The following CADPS2 variants were observed in gnomAD, a reference collection of about 807,000 sequenced individuals.
CADPS2 encodes the protein calcium-dependent secretion activator 2.
A neutral mutation model predicts 172.5 loss-of-function variants in CADPS2; 93 were observed. That is an observed-to-expected ratio of 0.54 (90% CI 0.46 to 0.64). The LOEUF is 0.64. Among genes scored for constraint, CADPS2 ranks in the 30% least tolerant of loss-of-function variants. CADPS2 has a pLI of 0.00. For missense variants in CADPS2, 1,420 were observed against 1,565.9 expected (o/e 0.91, Z 1.57); for synonymous variants, 546 against 555.2 (o/e 0.98, Z 0.23).
chr7:122,420,484 C>T (rs775152807), intron 17 of CADPS2, among the ~76,000 whole-genome samples: 2 of 152,212 alleles, frequency 1.3e-5, no homozygotes, highest in African/African-American at 4.8e-5. Context: ...CTCTGTGTAT[C>T]CCGTCTCTGG....
In CADPS2 at chr7:122,796,736, T is replaced by C. The variant is rs1020309736; in HGVS notation, c.340-59668A>G. ...ACTCAAGATGGAAAAAAGACTTACA[T>C]GTAAAATCCAAAACTGAAAAAAAAA... On this transcript the variant is annotated intron_variant, in intron 1 of 29. Coordinates refer to ENST00000449022, the MANE Select transcript of CADPS2 (RefSeq NM_017954.11). 7.3e-5 allele frequency among the ~76,000 whole-genome samples: 11 copies of C among 151,580 alleles called. No individual in the cohort carries two copies. The East Asian group carries it at 2.1e-3, about 29-fold the overall frequency.
Position 122,809,761 on chromosome 7 carries a change from C to T in CADPS2, c.340-72693G>A, listed in dbSNP as rs1291134431. Reference sequence around the variant, plus strand: ...CCTGTCTTGTTATTCTCGGGATATACAGAACCTGGAATGTATAAGTTCATG... The same window carrying T: ...CCTGTCTTGTTATTCTCGGGATATATAGAACCTGGAATGTATAAGTTCATG... On this transcript the variant is annotated intron_variant, in intron 1 of 29. Coordinates refer to ENST00000449022, the MANE Select transcript of CADPS2 (RefSeq NM_017954.11). Among the ~76,000 whole-genome samples, 3 of 152,150 alleles carry T rather than the reference C, an allele frequency of 2.0e-5. No homozygotes were observed. The East Asian group carries it at 5.8e-4, about 29-fold the overall frequency.
chr7:122,480,524 T>G lies in CADPS2; in HGVS notation c.1861+328A>C, dbSNP rs73218205. Among the ~76,000 whole-genome samples the G allele has an allele frequency of 6.9e-3, 1,051 of 152,260 alleles. 5 individuals are homozygous for G. The highest frequency in any genetic ancestry group is 0.011 in the Non-Finnish European group (722 of 67,996). On this transcript the variant is annotated intron_variant, in intron 12 of 29. Coordinates refer to ENST00000449022, the MANE Select transcript of CADPS2 (RefSeq NM_017954.11). The stretch of plus-strand genomic sequence containing the variant: ...TATATTTTGCTTCATCAATTGGGTG[T>G]TTTTTTATGTAGTGAAAATAATACC...
intron 8 of CADPS2, among the ~76,000 whole-genome samples, chr7:122,524,101 A>G (rs979208270): frequency 6.6e-6 from 1 of 152,190 alleles, no homozygotes; most frequent in East Asian, 1.9e-4. Context: ...ATACTCTATT[A>G]AGCTTTCCTT....
At chr7:122,475,559 T>C (rs2056534769) in intron 12 of CADPS2, among the ~76,000 whole-genome samples, 1 of 152,200 alleles carries the variant, frequency 6.6e-6, no homozygotes, top group African/African-American at 2.4e-5. Flanking sequence ...AACCCAATTA[T>C]AGAGTCAGAC....
rs756395852 is a variant in CADPS2 at position 122,698,753 on chromosome 7, A to G, written c.454-35184T>C. 55 of 1,613,772 alleles carry G rather than the reference A, an allele frequency of 3.4e-5. No individual in the cohort carries two copies. The Admixed American group carries it at 9.0e-4, about 26-fold the overall frequency. On this transcript the variant is annotated intron_variant, in intron 2 of 29. Coordinates refer to ENST00000449022, the MANE Select transcript of CADPS2 (RefSeq NM_017954.11). ...CTTCCAAAGACTCCAGTCTCTCCCA[A>G]CTCTGACAACACATGATTCCCAACA...
chr7:122,841,134 T>G (rs1810364808), intron 1 of CADPS2, among the ~76,000 whole-genome samples: 1 of 152,214 alleles, frequency 6.6e-6, no homozygotes, highest in African/African-American at 2.4e-5. Context: ...CCTTTTTAGT[T>G]AATGCCTATA....
intron 25 of CADPS2, chr7:122,369,747 G>A (rs2151248969): frequency 6.6e-6 from 1 of 152,250 alleles, no homozygotes; most frequent in South Asian, 2.1e-4. Flanking sequence ...TAACATTCAG[G>A]CCATAAACCT....
At chr7:122,433,603 A>G (rs1432279245) in intron 17 of CADPS2, among the ~76,000 whole-genome samples, 1 of 152,060 alleles carries the variant, frequency 6.6e-6, no homozygotes, top group Non-Finnish European at 1.5e-5. Flanking sequence ...GGGTTTCACC[A>G]TGTTGGTCAG....
At chr7:122,598,305 T>C (rs2072202563) in intron 6 of CADPS2, among the ~76,000 whole-genome samples, 3 of 151,864 alleles carry the variant, frequency 2.0e-5, no homozygotes, top group South Asian at 2.1e-4. Context: ...ACCCCCTATG[T>C]TTTTTAAATG....
intron 3 of CADPS2, among the ~76,000 whole-genome samples, chr7:122,637,983 G>C (rs911858770): frequency 6.6e-6 from 1 of 152,176 alleles, no homozygotes; most frequent in Non-Finnish European, 1.5e-5. Context: ...TGCTCCTTAA[G>C]AGTGGTGGCT....
chr7:122,588,035 T>G (rs1292920834), intron 6 of CADPS2, among the ~76,000 whole-genome samples: 2 of 152,098 alleles, frequency 1.3e-5, no homozygotes, highest in Non-Finnish European at 2.9e-5. Flanking sequence ...GTTTATGTCC[T>G]TTGCCCACTT....
At chr7:122,544,938 C>A (rs1345312013) in intron 8 of CADPS2, among the ~76,000 whole-genome samples, 3 of 152,024 alleles carry the variant, frequency 2.0e-5, no homozygotes, top group South Asian at 2.1e-4. Flanking sequence ...CTGACTTAAT[C>A]AAAAATTTTA....
At chr7:122,476,996 GGGAGAGGAGAGGAGAGGAGA>G (rs1208335745) in intron 12 of CADPS2, among the ~76,000 whole-genome samples, 26 of 48,028 alleles carry the variant, frequency 5.4e-4, no homozygotes, top group East Asian at 1.9e-3. Context: ...GGGAGGGGAG[GGGAGAGGAGAGGAGAGGAGA>G]GGAGAGGAGA....
At chr7:122,836,072 G>A (rs1350438620) in intron 1 of CADPS2, among the ~76,000 whole-genome samples, 2 of 152,204 alleles carry the variant, frequency 1.3e-5, no homozygotes, top group African/African-American at 4.8e-5. Context: ...CAGACTAACA[G>A]TGGATCTCTC....
intron 1 of CADPS2, among the ~76,000 whole-genome samples, chr7:122,840,620 A>C (rs1810189717): frequency 6.6e-6 from 1 of 151,912 alleles, no homozygotes; most frequent in African/African-American, 2.4e-5. Flanking sequence ...GAATTACCAA[A>C]ATGTAGCCAG....
intron 6 of CADPS2, among the ~76,000 whole-genome samples, chr7:122,612,308 C>T (rs945571550): frequency 6.6e-6 from 1 of 151,824 alleles, no homozygotes; most frequent in Non-Finnish European, 1.5e-5. Context: ...CTACAAAATC[C>T]ACTAAAAATT....
At chr7:122,475,789 G>A (rs1225331716) in intron 12 of CADPS2, among the ~76,000 whole-genome samples, 3 of 152,118 alleles carry the variant, frequency 2.0e-5, no homozygotes, top group African/African-American at 7.2e-5. Context: ...ATAGGAAAAG[G>A]TGAATATAGC....
intron 5 of CADPS2, among the ~76,000 whole-genome samples, chr7:122,618,201 C>T (rs2075177681): frequency 6.6e-6 from 1 of 152,118 alleles, no homozygotes; most frequent in Admixed American, 6.6e-5. Context: ...TTTAATATTT[C>T]TTCTGAAGCC....
Sources: gnomAD v4.1 joint callset for allele counts (sites outside exome capture counted in the v4.1 genomes callset) on GRCh38, gnomAD v4.1.1 for gene constraint, MANE v1.5 for transcripts, NCBI Gene and HGNC (gene_info 2026-07-23, HGNC 2026-07-21) for gene names.